The following TOX3 variants were observed in gnomAD, a reference collection of about 807,000 sequenced individuals.
The protein encoded by TOX3 is CAG trinucleotide repeat-containing gene F9 protein.
In TOX3, 22 loss-of-function variants were observed where a neutral mutation model predicts 64.3. The ratio of observed to expected loss-of-function variants is 0.34; its 90% CI spans 0.24 to 0.49. The LOEUF is 0.49. TOX3 is among the 20% of genes least tolerant of loss of function. TOX3 has a pLI of 0.99. For synonymous variants in TOX3, 291 were observed against 273.6 expected (o/e 1.06, Z -0.63); for missense variants, 661 against 714.4 (o/e 0.93, Z 0.85).
chr16:52,510,759 C>CAAAAAAA (rs71376169), intron 1 of TOX3, among the ~76,000 whole-genome samples: 1 of 72,066 alleles, frequency 1.4e-5, no homozygotes, highest in Non-Finnish European at 2.7e-5. Flanking sequence ...GACCCTGTCT[C>CAAAAAAA]AAAAAAAAAA....
chr16:52,443,033 T>C (rs1960050248), intron 6 of TOX3, among the ~76,000 whole-genome samples: 3 of 152,214 alleles, frequency 2.0e-5, no homozygotes, highest in African/African-American at 4.8e-5. Flanking sequence ...TTTAAATCCA[T>C]ATACGGTCAA....
At position 52,503,077 on chromosome 16, in the gene TOX3, T is replaced by TG. The variant is rs568698289; in HGVS notation, c.88-34504dup. On this transcript the variant is annotated intron_variant, in intron 1 of 6. Transcript: ENST00000219746. Reference sequence around the variant, plus strand: ...TTAATAAAAACAGGCAACTGGCCCATGGGTGGTAATTTGCTGAAACTTGGT... The same window carrying TG: ...TTAATAAAAACAGGCAACTGGCCCATGGGGTGGTAATTTGCTGAAACTTGGT... 7.2e-5 allele frequency among the ~76,000 whole-genome samples: 11 copies of TG among 152,294 alleles called. No homozygotes were observed. In the South Asian group the frequency reaches 2.3e-3, roughly 32 times the overall value.
intron 3 of TOX3, among the ~76,000 whole-genome samples, chr16:52,455,269 G>A (rs1245559081): frequency 1.3e-5 from 2 of 152,006 alleles, no homozygotes; most frequent in Non-Finnish European, 2.9e-5. Context: ...GAGTGGTACT[G>A]ACATTTGGGT....
At chr16:52,544,629 C>G (rs974803469) in intron 1 of TOX3, among the ~76,000 whole-genome samples, 2 of 152,172 alleles carry the variant, frequency 1.3e-5, no homozygotes, top group Non-Finnish European at 2.9e-5. Context: ...GACAGTAAGC[C>G]AACTTGTATC....
chr16:52,498,261 T>C (rs1961901650), intron 1 of TOX3, among the ~76,000 whole-genome samples: 1 of 152,210 alleles, frequency 6.6e-6, no homozygotes, highest in Non-Finnish European at 1.5e-5. Context: ...GTATTTCAAC[T>C]GAATAGGAAG....
chr16:52,546,002 T>A (rs892946249), intron 1 of TOX3, among the ~76,000 whole-genome samples: 1 of 151,820 alleles, frequency 6.6e-6, no homozygotes. Context: ...CCCAAAAAAA[T>A]GAGAGGAAAG....
At chr16:52,507,141 CT>C (rs1207136143) in intron 1 of TOX3, among the ~76,000 whole-genome samples, 41 of 152,278 alleles carry the variant, frequency 2.7e-4, no homozygotes, top group African/African-American at 6.7e-4. Context: ...ACAGAATGAA[CT>C]GGATCGTGTC....
In TOX3 at chr16:52,492,564, A is replaced by AATATATATATATATATATAT. The variant is rs56848244; in HGVS notation, c.88-24010_88-23991dup. Reference sequence around the variant, plus strand: ...CACAACACTATATTAGTTGTATATAAATATATATATATATATATATATATA... The same window carrying AATATATATATATATATATAT: ...CACAACACTATATTAGTTGTATATAAATATATATATATATATATATATATATATATATATATATATATATA... On this transcript the variant is annotated intron_variant, in intron 1 of 6. Coordinates refer to ENST00000219746, the MANE Select transcript of TOX3 (RefSeq NM_001080430.4). Among the ~76,000 whole-genome samples the AATATATATATATATATATAT allele has an allele frequency of 2.8e-3, 257 of 90,628 alleles. 7 individuals carry two copies. Among genetic ancestry groups the AATATATATATATATATATAT allele is most frequent in the Admixed American group, 4.1e-3 (29 of 7,086 alleles). 59.5% of individuals were successfully genotyped at this position (90,628 alleles called of 152,430 possible).
At chr16:52,463,887 T>G in intron 3 of TOX3, 47 bp downstream of exon 3, 1 of 1,478,352 alleles carries the variant, frequency 6.8e-7, no homozygotes. Context: ...TTACTATGAT[T>G]TGTGCAAATG....
intron 1 of TOX3, among the ~76,000 whole-genome samples, chr16:52,478,550 T>G (rs553045121): frequency 6.6e-6 from 1 of 152,364 alleles, no homozygotes; most frequent in Admixed American, 6.5e-5. Flanking sequence ...CATTCACTAT[T>G]TCTCTCCGTT....
intron 2 of TOX3, 97 bp downstream of exon 2, chr16:52,468,408 AAGAG>A (rs1960929233): frequency 9.2e-7 from 1 of 1,081,872 alleles, no homozygotes; most frequent in East Asian, 2.5e-5. Flanking sequence ...TGTGCCACAT[AAGAG>A]AGAGATAAAT....
intron 1 of TOX3, among the ~76,000 whole-genome samples, chr16:52,476,036 C>T (rs1567325193): frequency 6.6e-6 from 1 of 152,178 alleles, no homozygotes; most frequent in African/African-American, 2.4e-5. Context: ...TGATAGAGCA[C>T]AGGCTGTTTT....
chr16:52,513,731 CTT>C (rs528872596), intron 1 of TOX3, among the ~76,000 whole-genome samples: 442 of 152,188 alleles, frequency 2.9e-3, no homozygotes, highest in African/African-American at 1.0e-2. Flanking sequence ...AAATGTCAAA[CTT>C]TTAAAATAAG....
chr16:52,484,274 A>G (rs1961448985), intron 1 of TOX3, among the ~76,000 whole-genome samples: 2 of 152,294 alleles, frequency 1.3e-5, no homozygotes, highest in South Asian at 4.1e-4. Flanking sequence ...TTAATTTTAA[A>G]CAATTCTGAA....
chr16:52,443,511 T>G (rs1299503060), intron 6 of TOX3, among the ~76,000 whole-genome samples: 1 of 152,126 alleles, frequency 6.6e-6, no homozygotes, highest in Non-Finnish European at 1.5e-5. Flanking sequence ...AGACCCTAGG[T>G]TGTACTTGAG....
chr16:52,457,645 T>C (rs1303442537), intron 3 of TOX3, among the ~76,000 whole-genome samples: 1 of 152,222 alleles, frequency 6.6e-6, no homozygotes, highest in Admixed American at 6.5e-5. Context: ...AGTAATTTTA[T>C]CTTCAATTAT....
rs1026246914 is a variant in TOX3 at position 52,547,010 on chromosome 16, G to A, written c.-287C>T. The A allele has an allele frequency of 2.1e-6, 2 of 942,080 alleles. No individual in the cohort carries two copies. The highest frequency in any genetic ancestry group is 4.7e-5 in the South Asian group (1 of 21,418). 58.4% of individuals were successfully genotyped at this position (942,080 alleles called of 1,614,324 possible). A position where few individuals can be genotyped will look rare whatever the true frequency, so the allele number is the denominator to read the frequency against. On this transcript the variant is annotated 5_prime_UTR_variant, in exon 1 of 7. Transcript: ENST00000219746. ...GCGGGCCGGGCGCCGGGGGCGCGGG[G>A]CGCGGCGCTGGGGCCCGGGTCGGCG...
chr16:52,483,364 C>G (rs1766623486), intron 1 of TOX3, among the ~76,000 whole-genome samples: 1 of 152,078 alleles, frequency 6.6e-6, no homozygotes, highest in South Asian at 2.1e-4. Context: ...TATATTAAGT[C>G]AAAGTTCTTG....
intron 3 of TOX3, among the ~76,000 whole-genome samples, chr16:52,451,863 A>G (rs1460511641): frequency 2.6e-5 from 4 of 152,180 alleles, no homozygotes; most frequent in Admixed American, 2.6e-4. Flanking sequence ...GAGTTTCTCA[A>G]TTTCAGCTCT....
Sources: gnomAD v4.1 joint callset for allele counts (sites outside exome capture counted in the v4.1 genomes callset) on GRCh38, gnomAD v4.1.1 for gene constraint, MANE v1.5 for transcripts, NCBI Gene and HGNC (gene_info 2026-07-23, HGNC 2026-07-21) for gene names.